CCSER1: variants seen among roughly 807,000 people sequenced by gnomAD.
CCSER1 encodes coiled-coil serine rich protein 1.
In CCSER1, 41 loss-of-function variants were observed where a neutral mutation model predicts 82.0. The ratio of observed to expected loss-of-function variants is 0.50; its 90% CI spans 0.39 to 0.65. The LOEUF is 0.65. Among genes scored for constraint, CCSER1 ranks in the 30% least tolerant of loss-of-function variants. CCSER1 has a pLI of 0.00. For synonymous variants in CCSER1, 414 were observed against 383.9 expected (o/e 1.08, Z -0.92); for missense variants, 1,119 against 1,064.2 (o/e 1.05, Z -0.72).
At chr4:90,774,627 T>A (rs1475258076) in intron 7 of CCSER1, among the ~76,000 whole-genome samples, 1 of 152,156 alleles carries the variant, frequency 6.6e-6, no homozygotes, top group Non-Finnish European at 1.5e-5. Flanking sequence ...TTTGCTAGAT[T>A]GTGTCATGTC....
chr4:91,183,546 A>G (rs563846032), intron 10 of CCSER1, among the ~76,000 whole-genome samples: 2 of 152,308 alleles, frequency 1.3e-5, no homozygotes, highest in Admixed American at 6.5e-5. Flanking sequence ...GAGAGGGACA[A>G]TAATTTTTCC....
chr4:90,667,245 G>T (rs886395156), intron 6 of CCSER1, among the ~76,000 whole-genome samples: 11 of 152,156 alleles, frequency 7.2e-5, no homozygotes, highest in Admixed American at 2.0e-4. Context: ...CTGTGCTTCA[G>T]ATTCCTCAGC....
chr4:90,682,959 C>T (rs1028450700), intron 6 of CCSER1: 1 of 151,940 alleles, frequency 6.6e-6, no homozygotes, highest in Admixed American at 6.6e-5. Flanking sequence ...GACTGCATTG[C>T]CTACTGGCAA....
At position 90,158,188 on chromosome 4, in the gene CCSER1, C is replaced by T. The variant is rs556756791; in HGVS notation, c.-42+30357C>T. On this transcript the variant is annotated intron_variant, in intron 1 of 10. Transcript: ENST00000509176. ...CCAGCCGTGGTGGCTGCATAAACAG[C>T]GGATTTTCGTGAACCGCAAATGCTG... Among the ~76,000 whole-genome samples, 164 of 152,216 alleles carry T rather than the reference C, an allele frequency of 1.1e-3. 1 individual carries two copies. In the Middle Eastern group the frequency reaches 0.017, roughly 16 times the overall value.
chr4:90,187,875 G>A (rs1456393777), intron 1 of CCSER1, among the ~76,000 whole-genome samples: 3 of 151,638 alleles, frequency 2.0e-5, no homozygotes. Flanking sequence ...TTTCTTTTTG[G>A]AAGACATTAG....
At chr4:91,218,838 A>G (rs1468876968) in intron 10 of CCSER1, among the ~76,000 whole-genome samples, 2 of 152,208 alleles carry the variant, frequency 1.3e-5, no homozygotes, top group East Asian at 3.9e-4. Flanking sequence ...ACTGTGATTG[A>G]TTCAGAACTA....
At position 90,338,481 on chromosome 4, in the gene CCSER1, C is replaced by T. The variant is rs957362709; in HGVS notation, c.1509+25434C>T. Among the ~76,000 whole-genome samples, 8 of 152,082 alleles carry T rather than the reference C, an allele frequency of 5.3e-5. No homozygotes were observed. In the South Asian group the frequency reaches 6.2e-4, roughly 12 times the overall value. The stretch of plus-strand genomic sequence containing the variant: ...CTTACACAGGAAAAAGAAGCAAAAC[C>T]CACAATATATGTCATCTTCTGTTGT... On this transcript the variant is annotated intron_variant, in intron 3 of 10. Coordinates refer to ENST00000509176, the MANE Select transcript of CCSER1 (RefSeq NM_001145065.2).
At chr4:91,141,713 C>T (rs377757368) in intron 10 of CCSER1, among the ~76,000 whole-genome samples, 2 of 152,104 alleles carry the variant, frequency 1.3e-5, no homozygotes, top group African/African-American at 4.8e-5. Flanking sequence ...AAACTGCTTT[C>T]TACAGTGGCT....
At chr4:90,809,338 A>ACG (rs1222432468) in intron 7 of CCSER1, among the ~76,000 whole-genome samples, 6 of 145,756 alleles carry the variant, frequency 4.1e-5, no homozygotes, top group Non-Finnish European at 7.7e-5. Context: ...ACACACACAC[A>ACG]CACGCACACA....
chr4:91,370,886 A>G (rs537920646), intron 10 of CCSER1, among the ~76,000 whole-genome samples: 1 of 151,650 alleles, frequency 6.6e-6, no homozygotes, highest in South Asian at 2.1e-4. Flanking sequence ...AGTTATTTTT[A>G]TTTTTTACTC....
intron 6 of CCSER1, among the ~76,000 whole-genome samples, chr4:90,660,882 G>GTAGCATATTAATAATTGCCTTGCAATTTT (rs1730640593): frequency 6.6e-6 from 1 of 152,136 alleles, no homozygotes; most frequent in Non-Finnish European, 1.5e-5. Context: ...TATTTGCAAA[G>GTAGCATATTAATAATTGCCTTGCAATTTT]TAGCATATTA....
chr4:91,196,712 G>A (rs1170875274), intron 10 of CCSER1, among the ~76,000 whole-genome samples: 2 of 152,178 alleles, frequency 1.3e-5, no homozygotes, highest in Non-Finnish European at 2.9e-5. Context: ...GGCTTTCAAT[G>A]CATTGAGCTA....
chr4:90,753,936 C>G (rs911973569), intron 7 of CCSER1, among the ~76,000 whole-genome samples: 1 of 152,072 alleles, frequency 6.6e-6, no homozygotes, highest in Admixed American at 6.6e-5. Flanking sequence ...TGTTTTCTTC[C>G]GTCTGTATCA....
At chr4:91,587,824 A>G (rs1164872233) in intron 10 of CCSER1, among the ~76,000 whole-genome samples, 1 of 151,692 alleles carries the variant, frequency 6.6e-6, no homozygotes, top group East Asian at 1.9e-4. Flanking sequence ...TACCATTAAC[A>G]ATCTTTATAA....
At chr4:91,196,178 C>CAAAA (rs61336014) in intron 10 of CCSER1, among the ~76,000 whole-genome samples, 4 of 60,792 alleles carry the variant, frequency 6.6e-5, no homozygotes, top group African/African-American at 1.7e-4. Flanking sequence ...AACAGCGAGA[C>CAAAA]AAAAAAAAAA....
intron 5 of CCSER1, among the ~76,000 whole-genome samples, chr4:90,595,881 G>A (rs1305289044): frequency 6.6e-6 from 1 of 151,868 alleles, no homozygotes; most frequent in East Asian, 1.9e-4. Context: ...TTATAGAATG[G>A]TATGTTGTAA....
chr4:91,519,035 G>A (rs76870709), intron 10 of CCSER1, among the ~76,000 whole-genome samples: 2,383 of 152,328 alleles, frequency 0.016, 58 homozygotes, highest in African/African-American at 0.054. Context: ...CACTGCATCT[G>A]CAATGGCAAA....
chr4:90,626,942 T>A, intron 5 of CCSER1, among the ~76,000 whole-genome samples: 1 of 152,312 alleles, frequency 6.6e-6, no homozygotes, highest in South Asian at 2.1e-4. Flanking sequence ...TCACTAACTC[T>A]TTAACTCCAA....
At chr4:90,777,568 T>G (rs924277317) in intron 7 of CCSER1, among the ~76,000 whole-genome samples, 1 of 152,112 alleles carries the variant, frequency 6.6e-6, no homozygotes, top group African/African-American at 2.4e-5. Flanking sequence ...ATCACTTATC[T>G]CCATCTATAT....
Sources: allele counts gnomAD v4.1 joint callset (sites outside exome capture counted in the v4.1 genomes callset), GRCh38; gene constraint gnomAD v4.1.1; transcripts MANE v1.5; gene names NCBI Gene and HGNC (gene_info 2026-07-23, HGNC 2026-07-21).